RPH3A: variants seen among roughly 807,000 people sequenced by gnomAD.
RPH3A encodes rabphilin-3A.
In RPH3A, 48 loss-of-function variants were observed where a neutral mutation model predicts 102.2. That is an observed-to-expected ratio of 0.47 (90% CI 0.37 to 0.60). The LOEUF (loss-of-function observed/expected upper bound fraction) is 0.60, where lower values mean the gene tolerates loss of function less well. RPH3A is among the 20% of genes least tolerant of loss of function. The probability of loss-of-function intolerance (pLI) is 0.00; values close to 1 mark genes in which losing one functional copy is unlikely to be tolerated. For synonymous variants in RPH3A, 310 were observed against 324.3 expected, an observed-to-expected ratio of 0.96 and a Z score of 0.47; for missense variants, 781 against 910.1, an observed-to-expected ratio of 0.86 and a Z score of 1.83.
At chr12:112,841,705 TG>T (rs759764573) in intron 4 of RPH3A, among the ~76,000 whole-genome samples, 3 of 110,852 alleles carry the variant, frequency 2.7e-5, no homozygotes. Context: ...TTTGTTTTTT[TG>T]GTTTTTTTTT....
intron 11 of RPH3A, 85 bp from the exon 12 acceptor site, chr12:112,875,594 C>A (rs1402162681): frequency 1.7e-6 from 2 of 1,209,624 alleles, no homozygotes; most frequent in Non-Finnish European, 2.4e-6. Flanking sequence ...TGTGTCCACA[C>A]CTGTGAAATG....
chr12:112,691,010 G>T (rs1409031750), intron 1 of RPH3A, among the ~76,000 whole-genome samples: 1 of 151,068 alleles, frequency 6.6e-6, no homozygotes, highest in Non-Finnish European at 1.5e-5. Flanking sequence ...CCCCGCCCCC[G>T]CACTGAAATA....
intron 2 of RPH3A, among the ~76,000 whole-genome samples, chr12:112,827,231 G>A (rs1168279913): frequency 6.6e-6 from 1 of 151,922 alleles, no homozygotes; most frequent in African/African-American, 2.4e-5. Context: ...CCCCAGCCTG[G>A]GCAACCACTA....
At chr12:112,834,308 T>C (rs772181671) in intron 3 of RPH3A, among the ~76,000 whole-genome samples, 3 of 152,256 alleles carry the variant, frequency 2.0e-5, no homozygotes, top group Admixed American at 6.5e-5. Context: ...TGTATATCAA[T>C]AGTTTGTTTC....
rs766083492 is a variant in RPH3A at position 112,868,423 on chromosome 12, C to T, written c.445-7C>T. 2.5e-6 allele frequency: 4 copies of T among 1,613,128 alleles called. No homozygotes were observed. In the South Asian group the frequency reaches 4.4e-5, roughly 18 times the overall value. On this transcript the variant is annotated splice_region_variant and splice_polypyrimidine_tract_variant and intron_variant, in intron 7 of 21. Coordinates refer to ENST00000389385, the MANE Select transcript of RPH3A (RefSeq NM_001143854.2). ...CACATCTTCAATCCCTGTCTCTCCTCCCCAAGGTGTGGAAGCGTTCTGGAG... is the reference window on the plus strand; with the variant it reads ...CACATCTTCAATCCCTGTCTCTCCTTCCCAAGGTGTGGAAGCGTTCTGGAG...
intron 5 of RPH3A, among the ~76,000 whole-genome samples, chr12:112,849,885 A>C (rs2042294168): frequency 6.6e-6 from 1 of 152,202 alleles, no homozygotes. Context: ...TGTCCAGTCA[A>C]CTGCAGCCAG....
chr12:112,873,070 C>T (rs938136233), intron 10 of RPH3A, among the ~76,000 whole-genome samples: 1 of 152,180 alleles, frequency 6.6e-6, no homozygotes, highest in Admixed American at 6.5e-5. Flanking sequence ...ATCTCTTGCT[C>T]ATCATTTTCC....
chr12:112,814,773 G>T (rs972072971), intron 2 of RPH3A, among the ~76,000 whole-genome samples: 2 of 152,138 alleles, frequency 1.3e-5, no homozygotes, highest in African/African-American at 4.8e-5. Context: ...ATCAAATGAG[G>T]TTGTATATGA....
chr12:112,786,443 G>A (rs894914050), intron 1 of RPH3A, among the ~76,000 whole-genome samples: 2 of 152,078 alleles, frequency 1.3e-5, no homozygotes, highest in African/African-American at 2.4e-5. Context: ...ATCTTTGACC[G>A]ATTCCCTGTG....
chr12:112,629,864 A>G (rs1240374564), intron 1 of RPH3A, among the ~76,000 whole-genome samples: 1 of 152,202 alleles, frequency 6.6e-6, no homozygotes, highest in Non-Finnish European at 1.5e-5. Flanking sequence ...TAAACATTAA[A>G]TCATTGCATT....
intron 1 of RPH3A, among the ~76,000 whole-genome samples, chr12:112,726,110 G>T (rs1241420649): frequency 2.0e-5 from 3 of 149,384 alleles, no homozygotes; most frequent in African/African-American, 4.9e-5. Context: ...TTTCGGGGGG[G>T]TGGGGGGTGT....
intron 1 of RPH3A, among the ~76,000 whole-genome samples, chr12:112,733,478 C>G (rs747578271): frequency 7.2e-5 from 11 of 152,118 alleles, no homozygotes; most frequent in African/African-American, 1.4e-4. Context: ...GCAGGGGAAG[C>G]CTTCAGCTTG....
chr12:112,735,880 C>T (rs1304549429), intron 1 of RPH3A, among the ~76,000 whole-genome samples: 1 of 152,142 alleles, frequency 6.6e-6, no homozygotes, highest in Non-Finnish European at 1.5e-5. Flanking sequence ...TCTATTCCTA[C>T]CCTACTTTAT....
chr12:112,631,155 G>T (rs1192296836), intron 1 of RPH3A, among the ~76,000 whole-genome samples: 1 of 152,130 alleles, frequency 6.6e-6, no homozygotes, highest in Non-Finnish European at 1.5e-5. Flanking sequence ...GTGCTCATGT[G>T]GTCTCTGCTT....
intron 1 of RPH3A, among the ~76,000 whole-genome samples, chr12:112,781,356 G>C (rs1192353499): frequency 6.6e-6 from 1 of 152,154 alleles, no homozygotes; most frequent in Non-Finnish European, 1.5e-5. Flanking sequence ...AGAGGTTCTT[G>C]GGTTTGTCGT....
At chr12:112,880,400 T>G (rs2042888054) in intron 14 of RPH3A, among the ~76,000 whole-genome samples, 1 of 152,240 alleles carries the variant, frequency 6.6e-6, no homozygotes, top group Non-Finnish European at 1.5e-5. Flanking sequence ...ATTATTTTGT[T>G]TCCTTTTTAT....
At chr12:112,775,891 T>C (rs1206037389) in intron 1 of RPH3A, among the ~76,000 whole-genome samples, 2 of 152,108 alleles carry the variant, frequency 1.3e-5, no homozygotes, top group African/African-American at 2.4e-5. Flanking sequence ...GTCAAACACA[T>C]CTTTTATCTC....
intron 1 of RPH3A, among the ~76,000 whole-genome samples, chr12:112,627,172 C>A (rs1212888657): frequency 6.7e-6 from 1 of 148,714 alleles, no homozygotes; most frequent in African/African-American, 2.5e-5. Flanking sequence ...AACTAACCTG[C>A]ACAATGTGCA....
Position 112,738,318 on chromosome 12 carries a change from G to A in RPH3A, c.-139-53825G>A, listed in dbSNP as rs148313234. Among the ~76,000 whole-genome samples, 11 of 151,916 alleles carry A rather than the reference G, an allele frequency of 7.2e-5. No homozygotes were observed. The East Asian group carries it at 9.7e-4, about 13-fold the overall frequency. ...AGAGATCCTCCCACCTCAGCCTCCC[G>A]AGTAGCTGGGACTACAGGCGTGCAT... On this transcript the variant is annotated intron_variant, in intron 1 of 21. Transcript: ENST00000543106.
Sources: gnomAD v4.1 joint callset for allele counts (sites outside exome capture counted in the v4.1 genomes callset) on GRCh38, gnomAD v4.1.1 for gene constraint, MANE v1.5 for transcripts, NCBI Gene and HGNC (gene_info 2026-07-23, HGNC 2026-07-21) for gene names.